NPAS3: variants seen among roughly 807,000 people sequenced by gnomAD.
NPAS3 encodes neuronal PAS domain-containing protein 3.
A neutral mutation model predicts 73.1 loss-of-function variants in NPAS3; 14 were observed. That is an observed-to-expected ratio of 0.19 (90% confidence interval 0.13 to 0.30). NPAS3 has a LOEUF of 0.30. Ranked by LOEUF, NPAS3 falls within the 10% of genes least tolerant of loss-of-function variation. NPAS3 has a pLI of 1.00. For missense variants in NPAS3, 1,096 were observed against 1,250.0 expected (o/e 0.88, Z 1.86); for synonymous variants, 620 against 541.5 (o/e 1.14, Z -2.01).
intron 3 of NPAS3, among the ~76,000 whole-genome samples, chr14:33,231,813 T>C (rs1395977306): frequency 6.6e-6 from 1 of 152,180 alleles, no homozygotes; most frequent in Non-Finnish European, 1.5e-5. Context: ...TAAGTAAACT[T>C]AGATGCTTTG....
chr14:33,151,803 G>A (rs1207755827), intron 2 of NPAS3, among the ~76,000 whole-genome samples: 2 of 152,108 alleles, frequency 1.3e-5, no homozygotes, highest in Admixed American at 1.3e-4. Flanking sequence ...TCTGGAAAGA[G>A]ACTATATAAT....
chr14:33,544,658 G>A (rs1298697098), intron 4 of NPAS3, among the ~76,000 whole-genome samples: 1 of 150,974 alleles, frequency 6.6e-6, no homozygotes, highest in African/African-American at 2.4e-5. Flanking sequence ...CCTTGACTGT[G>A]GACTTCCTGG....
At chr14:33,045,329 A>G (rs1359610024) in intron 1 of NPAS3, among the ~76,000 whole-genome samples, 3 of 152,192 alleles carry the variant, frequency 2.0e-5, no homozygotes, top group African/African-American at 4.8e-5. Context: ...GAGAAATCTT[A>G]GTATTTGTTT....
intron 2 of NPAS3, among the ~76,000 whole-genome samples, chr14:33,152,027 G>A (rs2044464944): frequency 6.6e-6 from 1 of 151,954 alleles, no homozygotes; most frequent in African/African-American, 2.4e-5. Context: ...AACCAGGAGT[G>A]ATTTTGCCCC....
intron 4 of NPAS3, among the ~76,000 whole-genome samples, chr14:33,418,732 C>T (rs999395383): frequency 2.0e-5 from 3 of 151,828 alleles, no homozygotes; most frequent in South Asian, 2.1e-4. Flanking sequence ...AGTTGAAACA[C>T]TTGCATTTGA....
chr14:32,963,785 T>C lies in NPAS3; in HGVS notation c.50+24419T>C, dbSNP rs573870895. Among the ~76,000 whole-genome samples, 91 of 152,280 alleles carry C rather than the reference T, an allele frequency of 6.0e-4. 1 individual carries two copies. The highest frequency in any genetic ancestry group is 2.1e-3 in the African/African-American group (89 of 41,570). On this transcript the variant is annotated intron_variant, in intron 1 of 11. Coordinates refer to ENST00000356141, the Ensembl canonical transcript of NPAS3. Reference sequence around the variant, plus strand: ...ATTAGGTAATGCATTGGAAAATGCTTTATAGATTCTAAAGTTCTCTGTAAG... The same window carrying C: ...ATTAGGTAATGCATTGGAAAATGCTCTATAGATTCTAAAGTTCTCTGTAAG...
At chr14:33,468,955 G>C (rs1712584508) in intron 4 of NPAS3, among the ~76,000 whole-genome samples, 1 of 152,074 alleles carries the variant, frequency 6.6e-6, no homozygotes, top group Non-Finnish European at 1.5e-5. Context: ...GAATCTACAG[G>C]GGTGTTACCT....
chr14:33,525,985 A>G (rs2053783362), intron 4 of NPAS3, among the ~76,000 whole-genome samples: 1 of 152,120 alleles, frequency 6.6e-6, no homozygotes, highest in Admixed American at 6.5e-5. Context: ...AAGTTAGGGG[A>G]AAAAATAAAA....
At chr14:33,169,715 G>A (rs956559783) in intron 2 of NPAS3, among the ~76,000 whole-genome samples, 1 of 152,176 alleles carries the variant, frequency 6.6e-6, no homozygotes, top group Non-Finnish European at 1.5e-5. Flanking sequence ...AAATTGGCGG[G>A]CTATGAGTAC....
chr14:33,447,129 T>C (rs1346715651), intron 4 of NPAS3, among the ~76,000 whole-genome samples: 1 of 152,228 alleles, frequency 6.6e-6, no homozygotes, highest in African/African-American at 2.4e-5. Flanking sequence ...TGCTATCACA[T>C]GGGCATATGC....
At chr14:33,333,680 T>A (rs1362278102) in intron 3 of NPAS3, among the ~76,000 whole-genome samples, 1 of 152,130 alleles carries the variant, frequency 6.6e-6, no homozygotes, top group Non-Finnish European at 1.5e-5. Flanking sequence ...CATTATTAAG[T>A]AAAGCCTCCA....
At chr14:33,175,107 T>C (rs1011358368) in intron 2 of NPAS3, among the ~76,000 whole-genome samples, 8 of 152,150 alleles carry the variant, frequency 5.3e-5, no homozygotes, top group African/African-American at 1.9e-4. Flanking sequence ...TTTTTTTATA[T>C]CCAGGAACCA....
At chr14:33,558,747 G>A (rs765879516) in intron 4 of NPAS3, among the ~76,000 whole-genome samples, 6 of 151,542 alleles carry the variant, frequency 4.0e-5, no homozygotes, top group South Asian at 2.1e-4. Flanking sequence ...AAATTTACAC[G>A]CTTCTTCCAC....
intron 1 of NPAS3, among the ~76,000 whole-genome samples, chr14:33,028,129 T>C (rs2039869920): frequency 6.6e-6 from 1 of 152,328 alleles, no homozygotes; most frequent in African/African-American, 2.4e-5. Context: ...CACTCTAGTC[T>C]CTGTAGTGAA....
chr14:33,332,257 T>C (rs2044020019), intron 3 of NPAS3, among the ~76,000 whole-genome samples: 1 of 152,202 alleles, frequency 6.6e-6, no homozygotes, highest in Admixed American at 6.5e-5. Flanking sequence ...ACCTCTTAAC[T>C]AAAATAAGTT....
intron 7 of NPAS3, among the ~76,000 whole-genome samples, chr14:33,755,829 T>C (rs7154259): frequency 0.31 from 46,593 of 151,904 alleles, 8,690 homozygotes; most frequent in African/African-American, 0.52. Flanking sequence ...TCAGGCTGCT[T>C]CCACTCGTGG....
chr14:33,541,300 G>C (rs2054508200), intron 4 of NPAS3, among the ~76,000 whole-genome samples: 1 of 152,086 alleles, frequency 6.6e-6, no homozygotes, highest in South Asian at 2.1e-4. Context: ...CAGAAAATGG[G>C]TTTGTCACTT....
chr14:33,083,613 A>G (rs984203313), intron 2 of NPAS3, among the ~76,000 whole-genome samples: 2 of 152,126 alleles, frequency 1.3e-5, no homozygotes, highest in African/African-American at 4.8e-5. Context: ...TCTATGCTCT[A>G]TTTTATTTTA....
At chr14:33,488,741 C>A (rs2051738142) in intron 4 of NPAS3, among the ~76,000 whole-genome samples, 1 of 152,136 alleles carries the variant, frequency 6.6e-6, no homozygotes, top group Non-Finnish European at 1.5e-5. Context: ...AGCTTCCCTG[C>A]CGTCTCGCTG....
Sources: allele counts gnomAD v4.1 joint callset (sites outside exome capture counted in the v4.1 genomes callset), GRCh38; gene constraint gnomAD v4.1.1; transcripts MANE v1.5; gene names NCBI Gene and HGNC (gene_info 2026-07-23, HGNC 2026-07-21).